Variants in AGBL4 observed in about 807,000 individuals in gnomAD.
AGBL4 encodes AGBL carboxypeptidase 4, also known as cytosolic carboxypeptidase 6.
In AGBL4, 58 loss-of-function variants were observed where a neutral mutation model predicts 66.4. That is an observed-to-expected ratio of 0.87 (90% CI 0.71 to 1.09). The LOEUF (loss-of-function observed/expected upper bound fraction) is 1.09, where lower values mean the gene tolerates loss of function less well. Among genes scored for constraint, AGBL4 ranks in the 50% least tolerant of loss-of-function variants. The probability of loss-of-function intolerance (pLI) is 0.00; values close to 1 mark genes in which losing one functional copy is unlikely to be tolerated. For missense variants in AGBL4, 579 were observed against 631.0 expected, an observed-to-expected ratio of 0.92 and a Z score of 0.88; for synonymous variants, 234 against 222.9, an observed-to-expected ratio of 1.05 and a Z score of -0.44.
At chr1:48,909,000 G>A (rs1247092530) in intron 5 of AGBL4, among the ~76,000 whole-genome samples, 1 of 151,222 alleles carries the variant, frequency 6.6e-6, no homozygotes, top group African/African-American at 2.4e-5. Flanking sequence ...TGCCTTGTTT[G>A]GTTAGCTTTT....
rs376048637 is a variant in AGBL4 at position 49,182,444 on chromosome 1, C to T, written c.377+63326G>A. Among the ~76,000 whole-genome samples, 3 of 152,160 alleles carry T rather than the reference C, an allele frequency of 2.0e-5. No homozygotes were observed. The South Asian group carries it at 6.2e-4, about 32-fold the overall frequency. The stretch of plus-strand genomic sequence containing the variant: ...CATAATCTGGAGTGAGGTAGGCCTG[C>T]CCTGCCACTTGGTAACAATTTGGTC... On this transcript the variant is annotated intron_variant, in intron 4 of 13. Coordinates refer to ENST00000371839, the MANE Select transcript of AGBL4 (RefSeq NM_032785.4).
chr1:48,596,618 AT>A (rs1200657447), intron 9 of AGBL4, among the ~76,000 whole-genome samples: 6 of 151,894 alleles, frequency 4.0e-5, no homozygotes, highest in Admixed American at 6.6e-5. Context: ...TATTTAAAAA[AT>A]TTTTTTTGTA....
At chr1:48,704,458 CTT>C (rs1252655392) in intron 6 of AGBL4, among the ~76,000 whole-genome samples, 1 of 152,182 alleles carries the variant, frequency 6.6e-6, no homozygotes, top group African/African-American at 2.4e-5. Flanking sequence ...CTTTTTGACT[CTT>C]AATAACACTT....
At chr1:48,994,052 T>TC (rs1324671349) in intron 5 of AGBL4, among the ~76,000 whole-genome samples, 8 of 152,138 alleles carry the variant, frequency 5.3e-5, no homozygotes, top group African/African-American at 1.9e-4. Flanking sequence ...AGTGGAGGCT[T>TC]CTATTTGCCA....
At position 48,619,425 on chromosome 1, in the gene AGBL4, G is replaced by A. The variant is rs546311960; in HGVS notation, c.951+15068C>T. ...TTAGTTTTCTCACCTTAGAAATGGG[G>A]ATAATAATGCTCATTTCTAGAGGTT... On this transcript the variant is annotated intron_variant, in intron 9 of 13. Coordinates refer to ENST00000371839, the MANE Select transcript of AGBL4 (RefSeq NM_032785.4). Among the ~76,000 whole-genome samples, 3 of 152,272 alleles carry A rather than the reference G, an allele frequency of 2.0e-5. No homozygotes were observed. The South Asian group carries it at 6.2e-4, about 32-fold the overall frequency.
At chr1:49,246,194 C>T (rs1035058102) in intron 3 of AGBL4, among the ~76,000 whole-genome samples, 6 of 151,914 alleles carry the variant, frequency 3.9e-5, no homozygotes, top group Admixed American at 2.6e-4. Context: ...TCACAGGACT[C>T]TGATGATAAT....
intron 3 of AGBL4, among the ~76,000 whole-genome samples, chr1:49,253,364 A>G (rs1052578081): frequency 1.3e-5 from 2 of 152,200 alleles, no homozygotes; most frequent in African/African-American, 4.8e-5. Context: ...ACTATCCTAA[A>G]TATATATGCA....
chr1:49,161,843 G>T (rs971179541), intron 4 of AGBL4, among the ~76,000 whole-genome samples: 1 of 152,136 alleles, frequency 6.6e-6, no homozygotes, highest in Non-Finnish European at 1.5e-5. Context: ...GAGCTTAGCA[G>T]TCCCTCTCAG....
intron 6 of AGBL4, among the ~76,000 whole-genome samples, chr1:48,746,508 T>C (rs1650791945): frequency 6.6e-6 from 1 of 152,246 alleles, no homozygotes; most frequent in Admixed American, 6.5e-5. Flanking sequence ...GCTACTATAC[T>C]GAGATCTTGG....
At chr1:49,748,782 T>A (rs1651207943) in intron 2 of AGBL4, among the ~76,000 whole-genome samples, 1 of 152,206 alleles carries the variant, frequency 6.6e-6, no homozygotes, top group South Asian at 2.1e-4. Flanking sequence ...TTTTCACATG[T>A]TTGTTGGCTG....
intron 6 of AGBL4, chr1:48,761,459 C>A: frequency 6.4e-7 from 1 of 1,550,700 alleles, no homozygotes; most frequent in South Asian, 1.2e-5. Flanking sequence ...TTTTCAAGGT[C>A]AGATTTGTCT....
intron 3 of AGBL4, among the ~76,000 whole-genome samples, chr1:49,459,583 A>G (rs1203764893): frequency 6.6e-6 from 1 of 151,478 alleles, no homozygotes; most frequent in Non-Finnish European, 1.5e-5. Flanking sequence ...TAGGTCTACC[A>G]ATTTCATCAT....
At chr1:48,671,180 G>T (rs1646270983) in intron 6 of AGBL4, among the ~76,000 whole-genome samples, 1 of 152,270 alleles carries the variant, frequency 6.6e-6, no homozygotes, top group Admixed American at 6.5e-5. Flanking sequence ...GATCTGAGCA[G>T]TGCATGCAGC....
rs4926527 is a variant in AGBL4 at position 48,604,619 on chromosome 1, A to T, written c.952-13634T>A. Among the ~76,000 whole-genome samples, 174 of 151,526 alleles carry T rather than the reference A, an allele frequency of 1.1e-3. 1 individual carries two copies. Among genetic ancestry groups the T allele is most frequent in the Non-Finnish European group, 1.6e-3 (109 of 67,800 alleles). On this transcript the variant is annotated intron_variant, in intron 9 of 13. Transcript: ENST00000371839. ...GATACAGAATCAAAGGTTTTTTTTT[A>T]AAAAAAATTCAAACACTTACATACA...
intron 3 of AGBL4, among the ~76,000 whole-genome samples, chr1:49,541,098 G>T (rs1651973819): frequency 6.6e-6 from 1 of 152,172 alleles, no homozygotes; most frequent in Admixed American, 6.5e-5. Flanking sequence ...AAAACTTACA[G>T]ACTATAGAGT....
intron 11 of AGBL4, among the ~76,000 whole-genome samples, chr1:48,574,673 C>A (rs979211179): frequency 1.3e-5 from 2 of 151,974 alleles, no homozygotes; most frequent in African/African-American, 4.8e-5. Flanking sequence ...AACTTGCATC[C>A]CTCCCAGCCA....
At chr1:48,695,733 T>C (rs994993033) in intron 6 of AGBL4, among the ~76,000 whole-genome samples, 1 of 152,202 alleles carries the variant, frequency 6.6e-6, no homozygotes, top group African/African-American at 2.4e-5. Context: ...AGCTAAATTC[T>C]GTGGGTGGAC....
At chr1:49,321,011 T>A (rs1368861019) in intron 3 of AGBL4, among the ~76,000 whole-genome samples, 1 of 152,100 alleles carries the variant, frequency 6.6e-6, no homozygotes, top group African/African-American at 2.4e-5. Context: ...AGCCCTCATG[T>A]TCCAGTCACT....
chr1:49,376,010 C>A (rs1227620125), intron 3 of AGBL4, among the ~76,000 whole-genome samples: 1 of 152,098 alleles, frequency 6.6e-6, no homozygotes, highest in African/African-American at 2.4e-5. Flanking sequence ...TGTGTTATTT[C>A]TTTGATTCCT....
Sources: allele counts gnomAD v4.1 joint callset (sites outside exome capture counted in the v4.1 genomes callset), GRCh38; gene constraint gnomAD v4.1.1; transcripts MANE v1.5; gene names NCBI Gene and HGNC (gene_info 2026-07-23, HGNC 2026-07-21).